PHF24: variants seen among roughly 807,000 people sequenced by gnomAD.
PHF24 encodes PHD finger protein 24.
In PHF24, 25 loss-of-function variants were observed where a neutral mutation model predicts 42.6. The ratio of observed to expected loss-of-function variants is 0.59; its 90% CI spans 0.43 to 0.82. PHF24 has a LOEUF of 0.82. PHF24 is among the 40% of genes least tolerant of loss of function. The probability of loss-of-function intolerance (pLI) is 0.00; values close to 1 mark genes in which losing one functional copy is unlikely to be tolerated. For synonymous variants in PHF24, 185 were observed against 204.8 expected (o/e 0.90, Z 0.83); for missense variants, 470 against 538.1 (o/e 0.87, Z 1.25).
the PHF24 span, among the ~76,000 whole-genome samples, chr9:34,671,807 T>C: frequency 1.3e-4 from 20 of 149,946 alleles, no homozygotes; most frequent in Non-Finnish European, 2.7e-4. Flanking sequence ...TTTTTCTGCC[T>C]CATCCATCCA....
At chr9:34,723,212 T>G in the PHF24 span, 1 of 1,547,118 alleles carries the variant, frequency 6.5e-7, no homozygotes. Context: ...AATGTTTCTA[T>G]CTGAGGTGAG....
At chr9:34,683,123 C>T in the PHF24 span, among the ~76,000 whole-genome samples, 32 of 151,524 alleles carry the variant, frequency 2.1e-4, no homozygotes, top group Admixed American at 4.6e-4. Context: ...TGCAATGGCA[C>T]AATCTCAGCT....
chr9:34,833,088 T>C, the PHF24 span: 9 of 1,551,320 alleles, frequency 5.8e-6, no homozygotes, highest in African/African-American at 9.6e-5. Flanking sequence ...TCTTCTCTGG[T>C]TGAGGAGCGC....
At chr9:34,729,554 G>C in the PHF24 span, 12 of 967,508 alleles carry the variant, frequency 1.2e-5, no homozygotes, top group Admixed American at 3.5e-4. Flanking sequence ...TAGGCCACCA[G>C]ACTGCATCAC....
chr9:34,935,835 T>G, the PHF24 span, among the ~76,000 whole-genome samples: 13 of 151,698 alleles, frequency 8.6e-5, no homozygotes, highest in African/African-American at 3.1e-4. Flanking sequence ...AGAATGATGA[T>G]GACAATGAAG....
chr9:34,849,927 G>T, the PHF24 span, among the ~76,000 whole-genome samples: 1 of 151,992 alleles, frequency 6.6e-6, no homozygotes, highest in Non-Finnish European at 1.5e-5. Context: ...TTGAATATTG[G>T]CCCCCACTCT....
the PHF24 span, among the ~76,000 whole-genome samples, chr9:34,702,655 C>T: frequency 6.6e-6 from 1 of 152,102 alleles, no homozygotes; most frequent in African/African-American, 2.4e-5. Flanking sequence ...AGAAGAATTA[C>T]AAATATAGGC....
intron 3 of PHF24, among the ~76,000 whole-genome samples, chr9:34,973,997 ATCT>A (rs142417920): frequency 0.018 from 2,716 of 151,536 alleles, 82 homozygotes; most frequent in African/African-American, 0.062. Context: ...CAGCCAACAA[ATCT>A]TCTTCTTCTT....
the PHF24 span, among the ~76,000 whole-genome samples, chr9:34,768,496 C>T: frequency 6.6e-6 from 1 of 152,062 alleles, no homozygotes; most frequent in East Asian, 1.9e-4. Flanking sequence ...TTTTCCCTTT[C>T]TGCATTTCAG....
the PHF24 span, among the ~76,000 whole-genome samples, chr9:34,879,021 G>T: frequency 4.1e-4 from 62 of 152,290 alleles, no homozygotes; most frequent in African/African-American, 1.2e-3. Flanking sequence ...CCAGAGGAAG[G>T]ATCAGGTGGC....
chr9:34,851,437 T>C, the PHF24 span, among the ~76,000 whole-genome samples: 3 of 152,162 alleles, frequency 2.0e-5, no homozygotes, highest in Admixed American at 1.3e-4. Context: ...GGTGCGCCGT[T>C]TTTTAAGCCT....
At chr9:34,976,618 G>A (rs762731194) in exon 5 of PHF24, 1 of 1,614,172 alleles carries the variant, frequency 6.2e-7, no homozygotes, top group African/African-American at 1.3e-5. Flanking sequence ...CCTGAGTGAG[G>A]AGCAAGAAGA....
chr9:34,843,131 T>G, the PHF24 span, among the ~76,000 whole-genome samples: 4 of 152,316 alleles, frequency 2.6e-5, no homozygotes, highest in South Asian at 8.3e-4. Context: ...CCATAAATGT[T>G]GGATTGTTTT....
chr9:34,750,491 A>AAAAT, the PHF24 span, among the ~76,000 whole-genome samples: 739 of 142,208 alleles, frequency 5.2e-3, 4 homozygotes, highest in East Asian at 0.015. Flanking sequence ...CTCTATCTCA[A>AAAAT]AAATAAATAA....
chr9:34,974,276 A>G (rs1340241966), intron 3 of PHF24, among the ~76,000 whole-genome samples: 2 of 152,136 alleles, frequency 1.3e-5, no homozygotes, highest in Non-Finnish European at 2.9e-5. Context: ...GTTGCTTCCT[A>G]AGGTCACCAG....
chr9:34,879,435 G>A, the PHF24 span, among the ~76,000 whole-genome samples: 5 of 152,042 alleles, frequency 3.3e-5, no homozygotes, highest in African/African-American at 1.2e-4. Context: ...GAAGATATTC[G>A]AACCCATCAC....
chr9:34,859,048 A>G, the PHF24 span, among the ~76,000 whole-genome samples: 1 of 152,212 alleles, frequency 6.6e-6, no homozygotes, highest in African/African-American at 2.4e-5. Context: ...GTCTTTTCTG[A>G]GCACACATCT....
chr9:34,689,793 C>A, the PHF24 span: 2 of 1,614,024 alleles, frequency 1.2e-6, no homozygotes, highest in Non-Finnish European at 1.7e-6. This position sits in a 1 kb window ranked among gnomAD's most constrained non-coding sequence, Gnocchi z 4.1. Context: ...GACTCGGACT[C>A]CGGGCTCCCT....
the PHF24 span, among the ~76,000 whole-genome samples, chr9:34,900,928 T>C: frequency 1.3e-5 from 2 of 152,196 alleles, no homozygotes; most frequent in Non-Finnish European, 2.9e-5. Context: ...AATTCTCTCT[T>C]TATAAATTAC....
Sources: allele counts gnomAD v4.1 joint callset (sites outside exome capture counted in the v4.1 genomes callset), GRCh38; gene constraint gnomAD v4.1.1; non-coding constraint Gnocchi (gnomAD v3.1); transcripts MANE v1.5; gene names NCBI Gene and HGNC (gene_info 2026-07-23, HGNC 2026-07-21).